The following SELPLG variants were observed in gnomAD, a reference collection of about 807,000 sequenced individuals.
SELPLG encodes the protein selectin P ligand.
Under a neutral mutation model 1.1 loss-of-function variants are expected in SELPLG, and 2 were observed. The ratio of observed to expected loss-of-function variants is 1.82; its 90% CI spans 0.74 to 5.71. The LOEUF is 5.71. Among genes scored for constraint, SELPLG ranks in the 30% most tolerant of loss-of-function variants. SELPLG has a pLI of 0.05. For synonymous variants in SELPLG, 230 were observed against 221.2 expected, an observed-to-expected ratio of 1.04 and a Z score of -0.35; for missense variants, 478 against 524.7, an observed-to-expected ratio of 0.91 and a Z score of 0.87.
Position 108,624,021 on chromosome 12 carries a change from C to T in SELPLG, c.287G>A (p.Gly96Glu), listed in dbSNP as rs2031885369. ...CGTGGTCAGCTCTGTGACTGCCCCT[C>T]CTGCATCCAGGCCAGTAGAACGCCT... ...AARRSTGLDA[G>E]GAVTELTTEL... Residue 96 changes from glycine (G) to glutamate (E), a missense_variant, in exon 2 of 2, where the codon GGA becomes GAA. Coordinates refer to ENST00000550948, the MANE Select transcript of SELPLG (RefSeq NM_003006.4). 6.2e-7 allele frequency: 1 copy of T among 1,614,134 alleles called. No individual in the cohort carries two copies. Among genetic ancestry groups the T allele is most frequent in the Non-Finnish European group, 8.5e-7 (1 of 1,180,056 alleles).
intron 1 of SELPLG, among the ~76,000 whole-genome samples, chr12:108,625,475 G>A (rs560493691): frequency 6.6e-6 from 1 of 152,336 alleles, no homozygotes; most frequent in South Asian, 2.1e-4. Flanking sequence ...CGCAAAGACT[G>A]GCTGATTTAG....
intron 1 of SELPLG, among the ~76,000 whole-genome samples, chr12:108,632,455 GC>G (rs1242924547): frequency 2.7e-5 from 4 of 150,694 alleles, no homozygotes; most frequent in African/African-American, 7.4e-5. Flanking sequence ...GGCACAACTG[GC>G]CCCCACCATT....
chr12:108,626,128 C>CTT (rs573374699), intron 1 of SELPLG, among the ~76,000 whole-genome samples: 35 of 125,724 alleles, frequency 2.8e-4, no homozygotes, highest in South Asian at 5.3e-4. Context: ...GGTTTCTTTT[C>CTT]TTTTTTTTTT....
rs1212097547 is a variant in SELPLG, at chr12:108,624,204, A to T, written c.104T>A (p.Leu35Gln). The part of the protein sequence containing the change: ...ADEAEKALGP[L>Q]LARDRRQATE... ...GGCCTGTCTCCGGTCCCGGGCAAGC[A>T]GGGGACCCAAGGCTTTCTCGGCTTC... Residue 35 changes from leucine (L) to glutamine (Q), a missense_variant, in exon 2 of 2, where the codon CTG (leucine) becomes CAG (glutamine). Leu to Gln is a moderately radical substitution (Grantham distance 113, BLOSUM62 -2). Coordinates refer to ENST00000550948, the MANE Select transcript of SELPLG (RefSeq NM_003006.4). 5 of 1,614,208 alleles carry T rather than the reference A, an allele frequency of 3.1e-6. No individual in the cohort carries two copies. Among genetic ancestry groups the T allele is most frequent in the Non-Finnish European group, 4.2e-6 (5 of 1,180,036 alleles).
At chr12:108,625,420 G>A (rs1440778734) in intron 1 of SELPLG, among the ~76,000 whole-genome samples, 1 of 152,176 alleles carries the variant, frequency 6.6e-6, no homozygotes, top group African/African-American at 2.4e-5. Context: ...AAAATGAAGG[G>A]ATGCATGCAA....
intron 1 of SELPLG, among the ~76,000 whole-genome samples, chr12:108,624,533 G>C (rs868780792): frequency 6.6e-6 from 1 of 152,030 alleles, no homozygotes; most frequent in Non-Finnish European, 1.5e-5. Context: ...CATCCAGGAG[G>C]GCCCTTTAAC....
At chr12:108,626,362 T>C (rs988079590) in intron 1 of SELPLG, among the ~76,000 whole-genome samples, 2 of 152,216 alleles carry the variant, frequency 1.3e-5, no homozygotes, top group African/African-American at 4.8e-5. Flanking sequence ...CTCAAACTCC[T>C]GACCACAAGC....
intron 1 of SELPLG, among the ~76,000 whole-genome samples, chr12:108,629,226 C>T (rs1319736005): frequency 6.6e-6 from 1 of 152,328 alleles, no homozygotes; most frequent in Non-Finnish European, 1.5e-5. Context: ...AAGCAACCAC[C>T]TTATCCTACA....
chr12:108,632,208 G>A (rs560303076), intron 1 of SELPLG: 56 of 409,948 alleles, frequency 1.4e-4, no homozygotes, highest in African/African-American at 5.3e-4. Context: ...CCCAGGGCAC[G>A]GCCTCGGAAG....
chr12:108,633,080 G>A (rs933626034), intron 1 of SELPLG, among the ~76,000 whole-genome samples: 5 of 151,940 alleles, frequency 3.3e-5, no homozygotes, highest in Admixed American at 1.3e-4. Context: ...CACCTCTCCC[G>A]ACCTCAGTTT....
chr12:108,623,159 GC>G lies in SELPLG; in HGVS notation c.1148del (p.Gly383AlafsTer10). 1.2e-6 allele frequency: 2 copies of G among 1,612,422 alleles called. No individual in the cohort carries two copies. Among genetic ancestry groups the G allele is most frequent in the Non-Finnish European group, 1.7e-6 (2 of 1,179,168 alleles). ...GEGPSATANG[G>X]LSKAKSPGLT... Reference sequence around the variant, plus strand: ...GGCCCGGGCTCTTGGCCTTGGACAGGCCCCCATTGGCTGTGGCAGAGGGCCC... The same window carrying G: ...GGCCCGGGCTCTTGGCCTTGGACAGGCCCCATTGGCTGTGGCAGAGGGCCC... On this transcript the variant is annotated frameshift_variant, in exon 2 of 2. Transcript: ENST00000550948. LOFTEE classifies it low-confidence loss of function (END_TRUNC).
chr12:108,632,564 G>A (rs1361027713), intron 1 of SELPLG, among the ~76,000 whole-genome samples: 2 of 151,612 alleles, frequency 1.3e-5, no homozygotes, highest in Admixed American at 6.6e-5. Context: ...ACCCGGGTTG[G>A]AGTGCAGTGG....
intron 1 of SELPLG, among the ~76,000 whole-genome samples, chr12:108,626,374 A>G (rs912063488): frequency 2.0e-5 from 3 of 152,098 alleles, no homozygotes; most frequent in African/African-American, 7.2e-5. Context: ...ACCACAAGCA[A>G]TCTGCCCACC....
At chr12:108,624,468 A>G (rs2031897008) in intron 1 of SELPLG, 156 bp from the exon 2 acceptor site, 1 of 646,486 alleles carries the variant, frequency 1.5e-6, no homozygotes, top group South Asian at 2.0e-5. Context: ...CCTGGGATGG[A>G]GAAGATCCTC....
chr12:108,628,246 G>C (rs1313330371), intron 1 of SELPLG, among the ~76,000 whole-genome samples: 1 of 151,426 alleles, frequency 6.6e-6, no homozygotes, highest in East Asian at 1.9e-4. Context: ...CTGGGCGACA[G>C]AGTGAGACCC....
At chr12:108,631,856 C>T (rs922623454) in intron 1 of SELPLG, 1 of 1,530,590 alleles carries the variant, frequency 6.5e-7, no homozygotes, top group African/African-American at 1.4e-5. Flanking sequence ...AACACACACA[C>T]ACCAGCCATC....
At chr12:108,631,690 G>T (rs761679805) in intron 1 of SELPLG, among the ~76,000 whole-genome samples, 1 of 151,892 alleles carries the variant, frequency 6.6e-6, no homozygotes, top group Non-Finnish European at 1.5e-5. Flanking sequence ...AGTTACACCT[G>T]TTGGAACCCA....
At chr12:108,627,354 G>A (rs1355658777) in intron 1 of SELPLG, among the ~76,000 whole-genome samples, 1 of 152,180 alleles carries the variant, frequency 6.6e-6, no homozygotes, top group Non-Finnish European at 1.5e-5. Flanking sequence ...TGTGGACTTG[G>A]GTGGGAGAGG....
At position 108,624,079 on chromosome 12, in the gene SELPLG, T is replaced by C; in HGVS notation, c.229A>G (p.Thr77Ala). 6.2e-7 allele frequency: 1 copy of C among 1,614,138 alleles called. No individual in the cohort carries two copies. Among genetic ancestry groups the C allele is most frequent in the Non-Finnish European group, 8.5e-7 (1 of 1,180,016 alleles). The change falls in exon 2 of 2, where the codon ACC (threonine) becomes GCC (alanine). Residue 77 changes from threonine (T) to alanine (A), a missense_variant. Physicochemically the swap from Thr to Ala is moderately conservative, Grantham distance 58. Transcript: ENST00000550948. Reference protein sequence around the residue: ...TDTTPLTGPGTPESTTVEPAA... With the variant: ...TDTTPLTGPGAPESTTVEPAA... Reference sequence around the variant, plus strand: ...GGCTCCACAGTGGTAGACTCAGGGGTTCCAGGCCCAGTCAGAGGAGTGGTG... The same window carrying C: ...GGCTCCACAGTGGTAGACTCAGGGGCTCCAGGCCCAGTCAGAGGAGTGGTG...
Sources: gnomAD v4.1 joint callset for allele counts (sites outside exome capture counted in the v4.1 genomes callset) on GRCh38, gnomAD v4.1.1 for gene constraint, MANE v1.5 for transcripts, NCBI Gene and HGNC (gene_info 2026-07-23, HGNC 2026-07-21) for gene names.